The following EYS variants were observed in gnomAD, a reference collection of about 807,000 sequenced individuals.
The protein encoded by EYS is protein eyes shut homolog.
Under a neutral mutation model 282.1 loss-of-function variants are expected in EYS, and 250 were observed. That is an observed-to-expected ratio of 0.89 (90% CI 0.80 to 0.98). EYS has a LOEUF of 0.98. Among genes scored for constraint, EYS ranks in the 50% least tolerant of loss-of-function variants. The probability of loss-of-function intolerance (pLI) is 0.00; values close to 1 mark genes in which losing one functional copy is unlikely to be tolerated. For synonymous variants in EYS, 1,355 were observed against 1,282.9 expected, an observed-to-expected ratio of 1.06 and a Z score of -1.20; for missense variants, 4,016 against 3,709.0, an observed-to-expected ratio of 1.08 and a Z score of -2.15.
chr6:65,430,187 C>T (rs192075142), intron 5 of EYS, among the ~76,000 whole-genome samples: 56 of 152,236 alleles, frequency 3.7e-4, no homozygotes, highest in African/African-American at 8.7e-4. Context: ...AGGAAAAACA[C>T]GTCACAATAA....
intron 2 of EYS, among the ~76,000 whole-genome samples, chr6:65,628,631 G>C (rs892226733): frequency 6.6e-6 from 1 of 151,846 alleles, no homozygotes; most frequent in African/African-American, 2.4e-5. Context: ...CGGGAGGAAC[G>C]AACAACTCCA....
intron 31 of EYS, among the ~76,000 whole-genome samples, chr6:64,165,683 T>C (rs1764267542): frequency 6.6e-6 from 1 of 152,178 alleles, no homozygotes; most frequent in Non-Finnish European, 1.5e-5. Context: ...ACTCTGGCAA[T>C]TTAACAGGTC....
chr6:64,124,450 T>C (rs1237855609), intron 31 of EYS, among the ~76,000 whole-genome samples: 4 of 152,226 alleles, frequency 2.6e-5, no homozygotes, highest in African/African-American at 7.2e-5. Flanking sequence ...GTGTAACATA[T>C]GGATCTGACC....
At chr6:64,358,052 A>G (rs1771886506) in intron 29 of EYS, among the ~76,000 whole-genome samples, 1 of 151,588 alleles carries the variant, frequency 6.6e-6, no homozygotes, top group Non-Finnish European at 1.5e-5. Flanking sequence ...ACTAAAATGG[A>G]TATGTCTCCT....
intron 2 of EYS, among the ~76,000 whole-genome samples, chr6:65,556,377 A>T (rs923597029): frequency 3.8e-5 from 3 of 79,480 alleles, no homozygotes; most frequent in African/African-American, 1.4e-4. Flanking sequence ...TGTGGAGGAG[A>T]CTGCTGGGTT....
chr6:64,835,330 AG>A (rs1285787362), intron 19 of EYS, among the ~76,000 whole-genome samples: 1 of 151,728 alleles, frequency 6.6e-6, no homozygotes, highest in Non-Finnish European at 1.5e-5. Context: ...AATAAGGATG[AG>A]GAGAGGCAAT....
chr6:64,150,777 C>T (rs76304673), intron 31 of EYS, among the ~76,000 whole-genome samples: 5,514 of 152,154 alleles, frequency 0.036, 307 homozygotes, highest in African/African-American at 0.12. Context: ...AGGAGAATTG[C>T]TTGAAGCCAG....
At chr6:64,692,718 T>G (rs1770432034) in intron 22 of EYS, among the ~76,000 whole-genome samples, 1 of 152,180 alleles carries the variant, frequency 6.6e-6, no homozygotes, top group African/African-American at 2.4e-5. Flanking sequence ...GGCTATCCAG[T>G]TATCCCAGCA....
chr6:65,319,476 C>G (rs557873187), intron 11 of EYS, among the ~76,000 whole-genome samples: 604 of 151,962 alleles, frequency 4.0e-3, no homozygotes, highest in Middle Eastern at 6.8e-3. Flanking sequence ...CTTCAGTTTT[C>G]CATAGAAGAA....
intron 2 of EYS, among the ~76,000 whole-genome samples, chr6:65,549,042 G>A (rs1471763500): frequency 6.6e-6 from 1 of 152,134 alleles, no homozygotes; most frequent in East Asian, 1.9e-4. Flanking sequence ...TTGAGCACCA[G>A]TGAGGCTCTA....
At chr6:65,500,589 G>T (rs1269972552) in intron 2 of EYS, among the ~76,000 whole-genome samples, 1 of 151,880 alleles carries the variant, frequency 6.6e-6, no homozygotes, top group Non-Finnish European at 1.5e-5. Flanking sequence ...TAAACAAGTT[G>T]CCAAAATAGA....
intron 2 of EYS, among the ~76,000 whole-genome samples, chr6:65,567,152 C>T (rs542239352): frequency 6.6e-6 from 1 of 151,940 alleles, no homozygotes; most frequent in East Asian, 1.9e-4. Flanking sequence ...CCACCTTCTG[C>T]CATGAGAAAA....
chr6:65,217,391 C>T (rs916497614), intron 12 of EYS, among the ~76,000 whole-genome samples: 2 of 151,912 alleles, frequency 1.3e-5, no homozygotes, highest in African/African-American at 4.8e-5. Flanking sequence ...ATGAATTATA[C>T]ATTAGAAATT....
chr6:65,301,862 A>G (rs1052553127), intron 11 of EYS, among the ~76,000 whole-genome samples: 9 of 152,220 alleles, frequency 5.9e-5, no homozygotes, highest in Non-Finnish European at 1.0e-4. Flanking sequence ...CTGGACCTTG[A>G]GAAGGAGGCT....
At chr6:63,953,135 T>G (rs570200632) in intron 35 of EYS, among the ~76,000 whole-genome samples, 26 of 152,238 alleles carry the variant, frequency 1.7e-4, no homozygotes, top group African/African-American at 5.5e-4. Context: ...TTAAAGATGG[T>G]TTTTTCACTA....
intron 31 of EYS, among the ~76,000 whole-genome samples, chr6:64,204,302 A>T (rs1449452185): frequency 6.6e-6 from 1 of 152,208 alleles, no homozygotes; most frequent in African/African-American, 2.4e-5. Flanking sequence ...TCGAAAGAAG[A>T]TCTGGCAGTT....
intron 31 of EYS, among the ~76,000 whole-genome samples, chr6:64,094,990 T>C (rs1487006871): frequency 1.3e-5 from 2 of 152,252 alleles, no homozygotes; most frequent in African/African-American, 4.8e-5. Flanking sequence ...CATCTTTATT[T>C]CTGCCTTCAT....
At chr6:64,558,853 A>G (rs537789895) in intron 26 of EYS, among the ~76,000 whole-genome samples, 41 of 152,282 alleles carry the variant, frequency 2.7e-4, no homozygotes, top group Non-Finnish European at 5.6e-4. Flanking sequence ...CTCTTTTTTT[A>G]ACATGGCCTT....
intron 24 of EYS, among the ~76,000 whole-genome samples, chr6:64,594,834 G>T (rs2149834454): frequency 6.6e-6 from 1 of 151,050 alleles, no homozygotes. Flanking sequence ...AAAACTTAAA[G>T]TATAATAATA....
Sources: gnomAD v4.1 joint callset for allele counts (sites outside exome capture counted in the v4.1 genomes callset) on GRCh38, gnomAD v4.1.1 for gene constraint, MANE v1.5 for transcripts, NCBI Gene and HGNC (gene_info 2026-07-23, HGNC 2026-07-21) for gene names.